Variants in CATSPERT observed in about 807,000 individuals in gnomAD.
CATSPERT encodes catsper channel auxiliary subunit tau.
chr2:201,594,722 A>T, the CATSPERT span, among the ~76,000 whole-genome samples: 1 of 151,456 alleles, frequency 6.6e-6, no homozygotes, highest in East Asian at 1.9e-4. Flanking sequence ...ACTTCATTTC[A>T]TTCATTTCAT....
chr2:201,494,916 TTTGAAA>T, the CATSPERT span: 1 of 478,732 alleles, frequency 2.1e-6, no homozygotes, highest in Non-Finnish European at 2.7e-6. Flanking sequence ...TTTTAAAATA[TTTGAAA>T]TTGAAATAAA....
At chr2:201,587,984 T>G in the CATSPERT span, among the ~76,000 whole-genome samples, 1 of 152,084 alleles carries the variant, frequency 6.6e-6, no homozygotes, top group African/African-American at 2.4e-5. Flanking sequence ...TAACAAGCTC[T>G]GAAATTGAAG....
chr2:201,551,991 CT>C, the CATSPERT span, among the ~76,000 whole-genome samples: 4 of 144,342 alleles, frequency 2.8e-5, no homozygotes, highest in African/African-American at 5.1e-5. Flanking sequence ...TTGTTTCTTT[CT>C]TTTTTTTTTC....
chr2:201,545,444 C>T, the CATSPERT span: 4 of 793,794 alleles, frequency 5.0e-6, no homozygotes, highest in Non-Finnish European at 7.9e-6. Context: ...CCTAACAAAA[C>T]AGAAATCTAC....
the CATSPERT span, chr2:201,547,687 C>T: frequency 1.5e-6 from 1 of 682,710 alleles, no homozygotes; most frequent in East Asian, 3.0e-5. Context: ...CAGAAGAATA[C>T]TTGCAATGTG....
the CATSPERT span, among the ~76,000 whole-genome samples, chr2:201,605,643 C>T: frequency 1.9e-4 from 29 of 152,230 alleles, no homozygotes; most frequent in African/African-American, 7.0e-4. Flanking sequence ...ATCCGACCAA[C>T]TCCATTAAAA....
chr2:201,613,271 C>T, the CATSPERT span, among the ~76,000 whole-genome samples: 1 of 152,304 alleles, frequency 6.6e-6, no homozygotes, highest in African/African-American at 2.4e-5. Context: ...GGTCCCTGAC[C>T]CCCGAGTAGC....
At chr2:201,537,637 C>CA in the CATSPERT span, among the ~76,000 whole-genome samples, 80 of 151,940 alleles carry the variant, frequency 5.3e-4, no homozygotes, top group Non-Finnish European at 9.4e-4. Context: ...TTAGTATAAA[C>CA]AAGCTGATGA....
chr2:201,545,230 G>C, the CATSPERT span, among the ~76,000 whole-genome samples: 1 of 151,750 alleles, frequency 6.6e-6, no homozygotes, highest in African/African-American at 2.4e-5. Context: ...GTAGAGACAG[G>C]GTTCCACCAT....
chr2:201,552,547 CTT>C, the CATSPERT span, among the ~76,000 whole-genome samples: 20 of 152,150 alleles, frequency 1.3e-4, no homozygotes, highest in African/African-American at 4.3e-4. Context: ...GGTGCAAAAA[CTT>C]TGCACTTTTT....
the CATSPERT span, among the ~76,000 whole-genome samples, chr2:201,614,187 C>G: frequency 1.3e-5 from 2 of 152,260 alleles, no homozygotes; most frequent in Non-Finnish European, 2.9e-5. Context: ...GGCCAACATT[C>G]AAATTCAGGA....
the CATSPERT span, chr2:201,491,050 C>T: frequency 4.7e-6 from 4 of 856,884 alleles, no homozygotes; most frequent in South Asian, 4.6e-5. Flanking sequence ...AATTGGAGGT[C>T]TGTATGTCTT....
the CATSPERT span, among the ~76,000 whole-genome samples, chr2:201,588,342 T>C: frequency 6.6e-6 from 1 of 151,854 alleles, no homozygotes; most frequent in Non-Finnish European, 1.5e-5. Context: ...GTTTGACGTA[T>C]ACAAATCAAT....
the CATSPERT span, among the ~76,000 whole-genome samples, chr2:201,561,784 G>A: frequency 6.6e-6 from 1 of 151,632 alleles, no homozygotes; most frequent in Non-Finnish European, 1.5e-5. Flanking sequence ...TGAGGCAAGA[G>A]AATCTCTTGA....
chr2:201,493,374 C>A, the CATSPERT span: 3 of 1,536,770 alleles, frequency 2.0e-6, no homozygotes, highest in African/African-American at 4.1e-5. Context: ...GTATACTCTG[C>A]TCAGAAAGAG....
chr2:201,563,303 T>C, the CATSPERT span, among the ~76,000 whole-genome samples: 2 of 114,518 alleles, frequency 1.7e-5, no homozygotes, highest in African/African-American at 3.5e-5. Context: ...ACGGGGCGGC[T>C]GGCCGGGCGG....
chr2:201,491,799 T>C, the CATSPERT span: 11 of 1,536,998 alleles, frequency 7.2e-6, no homozygotes, highest in African/African-American at 1.4e-5. Flanking sequence ...ACCAAGCTTT[T>C]GATTGAGTTA....
chr2:201,612,551 G>C, the CATSPERT span, among the ~76,000 whole-genome samples: 1 of 150,514 alleles, frequency 6.6e-6, no homozygotes, highest in Non-Finnish European at 1.5e-5. Context: ...TCTAGCCTGG[G>C]GGAGGGCGAC....
chr2:201,500,013 G>A, the CATSPERT span, among the ~76,000 whole-genome samples: 1 of 151,558 alleles, frequency 6.6e-6, no homozygotes, highest in Non-Finnish European at 1.5e-5. Flanking sequence ...CTTGATTCCT[G>A]TGACAGAAAA....
Sources: allele counts gnomAD v4.1 joint callset (sites outside exome capture counted in the v4.1 genomes callset), GRCh38; gene constraint gnomAD v4.1.1; transcripts MANE v1.5; gene names NCBI Gene and HGNC (gene_info 2026-07-23, HGNC 2026-07-21).